Variants in ARB2A observed in about 807,000 individuals in gnomAD.
ARB2A encodes cotranscriptional regulator ARB2A.
the ARB2A span, among the ~76,000 whole-genome samples, chr5:93,890,334 C>G: frequency 6.6e-6 from 1 of 150,940 alleles, no homozygotes; most frequent in African/African-American, 2.4e-5. Context: ...TTATTTACCA[C>G]GTAAATTATA....
the ARB2A span, among the ~76,000 whole-genome samples, chr5:93,838,610 T>C: frequency 2.0e-4 from 30 of 152,298 alleles, no homozygotes; most frequent in African/African-American, 7.0e-4. Context: ...AGGAACAGCA[T>C]TGAATCTGTA....
At chr5:94,039,100 G>C in the ARB2A span, among the ~76,000 whole-genome samples, 1 of 152,072 alleles carries the variant, frequency 6.6e-6, no homozygotes, top group Non-Finnish European at 1.5e-5. Flanking sequence ...TAAATACAAA[G>C]GTTTATCTGT....
chr5:93,732,036 A>G, the ARB2A span, among the ~76,000 whole-genome samples: 1 of 152,194 alleles, frequency 6.6e-6, no homozygotes, highest in Non-Finnish European at 1.5e-5. Flanking sequence ...CTATGCTCCT[A>G]GCTGGAAAGT....
chr5:93,935,637 A>T, the ARB2A span, among the ~76,000 whole-genome samples: 1 of 152,206 alleles, frequency 6.6e-6, no homozygotes, highest in Non-Finnish European at 1.5e-5. Flanking sequence ...GTGTACTAAG[A>T]AACTCAATGC....
chr5:94,038,275 G>C, the ARB2A span, among the ~76,000 whole-genome samples: 2 of 151,890 alleles, frequency 1.3e-5, no homozygotes, highest in African/African-American at 4.8e-5. Context: ...AGCCTTTCCA[G>C]TCTTTCTCTG....
the ARB2A span, chr5:93,618,099 G>A: frequency 1.3e-5 from 2 of 151,244 alleles, no homozygotes; most frequent in African/African-American, 2.4e-5. Flanking sequence ...ATTTTAAAAT[G>A]GAAATGGAAA....
the ARB2A span, chr5:93,620,962 G>T: frequency 6.3e-7 from 1 of 1,599,114 alleles, no homozygotes; most frequent in Non-Finnish European, 8.5e-7. Flanking sequence ...CGCCAGGGCG[G>T]CCTCCCCCGT....
the ARB2A span, among the ~76,000 whole-genome samples, chr5:93,907,982 A>T: frequency 6.6e-6 from 1 of 151,290 alleles, no homozygotes; most frequent in African/African-American, 2.4e-5. Flanking sequence ...TTGATATAGC[A>T]TATCATATCA....
At chr5:93,713,423 G>A in the ARB2A span, among the ~76,000 whole-genome samples, 1 of 151,936 alleles carries the variant, frequency 6.6e-6, no homozygotes, top group African/African-American at 2.4e-5. Context: ...CACAAAAGAA[G>A]ACATACAGAT....
chr5:94,048,835 G>T, the ARB2A span, among the ~76,000 whole-genome samples: 1 of 152,154 alleles, frequency 6.6e-6, no homozygotes, highest in Non-Finnish European at 1.5e-5. Flanking sequence ...CTCTGTCTTC[G>T]AAGCCTGTTT....
At chr5:93,692,288 C>G in the ARB2A span, among the ~76,000 whole-genome samples, 5 of 152,086 alleles carry the variant, frequency 3.3e-5, no homozygotes, top group Admixed American at 3.3e-4. Flanking sequence ...ACCCATCTCA[C>G]GTGCAAAGTC....
chr5:94,090,337 G>A, the ARB2A span, among the ~76,000 whole-genome samples: 1 of 152,176 alleles, frequency 6.6e-6, no homozygotes, highest in South Asian at 2.1e-4. Flanking sequence ...TCTATTATTG[G>A]TATATAAGAA....
the ARB2A span, among the ~76,000 whole-genome samples, chr5:93,776,513 C>T: frequency 6.6e-6 from 1 of 152,174 alleles, no homozygotes; most frequent in African/African-American, 2.4e-5. Context: ...CGCGGTAGCT[C>T]GCACCTGAAA....
At chr5:93,700,351 C>T in the ARB2A span, among the ~76,000 whole-genome samples, 11 of 151,996 alleles carry the variant, frequency 7.2e-5, no homozygotes, top group Admixed American at 1.3e-4. Flanking sequence ...ATCCTAACAG[C>T]TTAACTGATG....
chr5:93,741,972 T>C, the ARB2A span, among the ~76,000 whole-genome samples: 1 of 152,154 alleles, frequency 6.6e-6, no homozygotes, highest in African/African-American at 2.4e-5. Flanking sequence ...AATATCTATA[T>C]GCCAGATATT....
chr5:93,727,443 T>C, the ARB2A span, among the ~76,000 whole-genome samples: 1 of 152,068 alleles, frequency 6.6e-6, no homozygotes, highest in Non-Finnish European at 1.5e-5. Flanking sequence ...AGCTATATTC[T>C]ACCTGAAGTT....
the ARB2A span, among the ~76,000 whole-genome samples, chr5:93,947,600 T>C: frequency 6.6e-6 from 1 of 150,912 alleles, no homozygotes; most frequent in African/African-American, 2.4e-5. Flanking sequence ...TGTGCCATGC[T>C]GGTGTGCTGC....
At chr5:93,998,505 T>G in the ARB2A span, among the ~76,000 whole-genome samples, 4 of 152,030 alleles carry the variant, frequency 2.6e-5, no homozygotes, top group Non-Finnish European at 4.4e-5. Context: ...TCATGCAAAT[T>G]ATACTTTGCA....
At chr5:93,829,138 T>C in the ARB2A span, among the ~76,000 whole-genome samples, 1 of 152,186 alleles carries the variant, frequency 6.6e-6, no homozygotes, top group African/African-American at 2.4e-5. Context: ...CAGTGTGACA[T>C]TCAAGGCCCT....
Sources: allele counts gnomAD v4.1 joint callset (sites outside exome capture counted in the v4.1 genomes callset), GRCh38; gene constraint gnomAD v4.1.1; transcripts MANE v1.5; gene names NCBI Gene and HGNC (gene_info 2026-07-23, HGNC 2026-07-21).